The following ARB2A variants were observed in gnomAD, a reference collection of about 807,000 sequenced individuals.
ARB2A encodes ARB2 cotranscriptional regulator A.
the ARB2A span, among the ~76,000 whole-genome samples, chr5:93,721,445 C>CT: frequency 2.6e-5 from 4 of 152,082 alleles, no homozygotes; most frequent in Non-Finnish European, 5.9e-5. Context: ...TTAGTCTGCT[C>CT]TTTTTTTAAA....
the ARB2A span, among the ~76,000 whole-genome samples, chr5:94,047,765 A>T: frequency 6.6e-6 from 1 of 152,172 alleles, no homozygotes; most frequent in African/African-American, 2.4e-5. Context: ...ACATGGAATT[A>T]CCTAAAAAGA....
the ARB2A span, among the ~76,000 whole-genome samples, chr5:94,108,905 T>C: frequency 1.3e-5 from 2 of 152,172 alleles, no homozygotes; most frequent in African/African-American, 2.4e-5. Context: ...CCATGTGATC[T>C]AGCAATTTCC....
chr5:93,784,249 C>G, the ARB2A span: 1 of 653,054 alleles, frequency 1.5e-6, no homozygotes, highest in Non-Finnish European at 2.8e-6. Flanking sequence ...ACATGTCTAG[C>G]TTTTTCTATT....
chr5:93,816,850 A>G, the ARB2A span, among the ~76,000 whole-genome samples: 11 of 152,286 alleles, frequency 7.2e-5, no homozygotes, highest in South Asian at 8.3e-4. Context: ...TATCATACTT[A>G]ATGATGAAAT....
chr5:93,654,997 T>A, the ARB2A span, among the ~76,000 whole-genome samples: 681 of 152,330 alleles, frequency 4.5e-3, 4 homozygotes, highest in Non-Finnish European at 7.0e-3. Flanking sequence ...CTTGTAAACA[T>A]AATCTCTGGG....
the ARB2A span, among the ~76,000 whole-genome samples, chr5:94,057,224 T>A: frequency 6.6e-6 from 1 of 152,176 alleles, no homozygotes; most frequent in Admixed American, 6.5e-5. Flanking sequence ...AAAGACATTC[T>A]TACACAAAAC....
the ARB2A span, chr5:94,074,791 A>C: frequency 3.9e-6 from 6 of 1,519,620 alleles, no homozygotes; most frequent in East Asian, 6.8e-5. Flanking sequence ...GAAAGCAATA[A>C]ATTAAGTTCT....
At chr5:93,640,865 T>C in the ARB2A span, among the ~76,000 whole-genome samples, 2 of 152,070 alleles carry the variant, frequency 1.3e-5, no homozygotes, top group Admixed American at 1.3e-4. Context: ...TATTTCCTAC[T>C]TCTTTGCTTT....
the ARB2A span, among the ~76,000 whole-genome samples, chr5:94,089,099 A>G: frequency 2.0e-5 from 3 of 152,230 alleles, no homozygotes; most frequent in African/African-American, 7.2e-5. Flanking sequence ...TGATGTTAGA[A>G]TAAGAATAAA....
the ARB2A span, chr5:94,056,039 A>C: frequency 1.7e-6 from 1 of 573,440 alleles, no homozygotes; most frequent in Non-Finnish European, 2.2e-6. Flanking sequence ...CAGACAAGAA[A>C]ATGAACTCAG....
At chr5:93,630,590 G>A in the ARB2A span, among the ~76,000 whole-genome samples, 5 of 152,060 alleles carry the variant, frequency 3.3e-5, no homozygotes, top group African/African-American at 1.2e-4. Context: ...CTCATCTGGC[G>A]AAGCGTGGGG....
chr5:93,640,230 C>G, the ARB2A span, among the ~76,000 whole-genome samples: 2 of 151,388 alleles, frequency 1.3e-5, no homozygotes, highest in African/African-American at 2.4e-5. Flanking sequence ...AGGGGGATCA[C>G]TTGAGGTCAG....
the ARB2A span, among the ~76,000 whole-genome samples, chr5:94,084,785 T>C: frequency 2.0e-5 from 3 of 151,914 alleles, no homozygotes; most frequent in Non-Finnish European, 4.4e-5. Flanking sequence ...TTTTTAACAA[T>C]TGGAAAAAAC....
chr5:94,049,695 G>A, the ARB2A span, among the ~76,000 whole-genome samples: 4 of 152,062 alleles, frequency 2.6e-5, no homozygotes, highest in African/African-American at 4.8e-5. Context: ...GGTGGTGCAC[G>A]CCTGTAGTCC....
the ARB2A span, among the ~76,000 whole-genome samples, chr5:93,821,251 C>T: frequency 4.6e-5 from 7 of 151,838 alleles, no homozygotes; most frequent in Non-Finnish European, 1.0e-4. Flanking sequence ...GGTAGAAAAA[C>T]GATTTCCATG....
the ARB2A span, among the ~76,000 whole-genome samples, chr5:93,945,074 A>G: frequency 6.6e-6 from 1 of 152,212 alleles, no homozygotes. Context: ...CAGACACCAG[A>G]AAACCAAAAA....
chr5:94,096,415 G>A, the ARB2A span, among the ~76,000 whole-genome samples: 7 of 152,294 alleles, frequency 4.6e-5, no homozygotes, highest in African/African-American at 1.4e-4. Context: ...TGAGCTACAA[G>A]TATCTTTTCT....
the ARB2A span, among the ~76,000 whole-genome samples, chr5:93,836,585 A>G: frequency 6.6e-6 from 1 of 152,208 alleles, no homozygotes; most frequent in Non-Finnish European, 1.5e-5. Flanking sequence ...ATGAGATGTA[A>G]TTTTATTTTA....
At chr5:94,103,055 C>G in the ARB2A span, among the ~76,000 whole-genome samples, 2 of 151,918 alleles carry the variant, frequency 1.3e-5, no homozygotes, top group Non-Finnish European at 2.9e-5. Flanking sequence ...TACTGGCCAC[C>G]ACAAAAACAA....
Sources: gnomAD v4.1 joint callset for allele counts (sites outside exome capture counted in the v4.1 genomes callset) on GRCh38, gnomAD v4.1.1 for gene constraint, MANE v1.5 for transcripts, NCBI Gene and HGNC (gene_info 2026-07-23, HGNC 2026-07-21) for gene names.